The following MGST3 variants were observed in gnomAD, a reference collection of about 807,000 sequenced individuals.
The protein encoded by MGST3 is microsomal glutathione S-transferase 3, also known as glutathione S-transferase 3, mitochondrial.
Under a neutral mutation model 15.8 loss-of-function variants are expected in MGST3, and 13 were observed. The ratio of observed to expected loss-of-function variants is 0.82; its 90% CI spans 0.54 to 1.31. MGST3 has a LOEUF of 1.31. Among genes scored for constraint, MGST3 ranks in the 50% most tolerant of loss-of-function variants. The pLI is 0.00. For missense variants in MGST3, 155 were observed against 192.4 expected, an observed-to-expected ratio of 0.81 and a Z score of 1.15; for synonymous variants, 49 against 68.1, an observed-to-expected ratio of 0.72 and a Z score of 1.38.
chr1:165,633,383 T>C (rs1322687754), intron 1 of MGST3, among the ~76,000 whole-genome samples: 3 of 152,218 alleles, frequency 2.0e-5, no homozygotes, highest in African/African-American at 7.2e-5. Flanking sequence ...ATTTCTAGAG[T>C]TGATCTGTTC....
chr1:165,644,053 TA>T (rs61624530), intron 1 of MGST3, among the ~76,000 whole-genome samples: 672 of 136,518 alleles, frequency 4.9e-3, no homozygotes, highest in Admixed American at 5.7e-3. Flanking sequence ...GACCCTGTGT[TA>T]AAAAAAAAAA....
chr1:165,631,787 G>A (rs965193095), intron 1 of MGST3, among the ~76,000 whole-genome samples: 1 of 152,200 alleles, frequency 6.6e-6, no homozygotes, highest in Non-Finnish European at 1.5e-5. Context: ...GTGGGGATGT[G>A]TTGCTAGGGA....
At chr1:165,654,118 C>T (rs4147603) in intron 4 of MGST3, 161 bp from the exon 5 acceptor site, 167,493 of 697,426 alleles carry the variant, frequency 0.24, 31,689 homozygotes, top group East Asian at 0.83. Context: ...TTTATTTTCC[C>T]GCTGAAACTA....
At chr1:165,631,982 G>T in intron 1 of MGST3, 1 of 428,890 alleles carries the variant, frequency 2.3e-6, no homozygotes. Flanking sequence ...CTTTATGTGG[G>T]GTGGCAGCAC....
At chr1:165,646,020 G>T (rs1207899777) in intron 1 of MGST3, 1 of 152,212 alleles carries the variant, frequency 6.6e-6, no homozygotes, top group Non-Finnish European at 1.5e-5. Context: ...CCACTCTCAA[G>T]AACTTTATCT....
At position 165,655,477 on chromosome 1, in the gene MGST3, G is replaced by A; in HGVS notation, c.432G>A (p.Leu144=). The change falls in exon 6 of 6, where the codon TTG becomes TTA. Residue 144 remains leucine (L), a synonymous_variant. Coordinates refer to ENST00000367889, the MANE Select transcript of MGST3 (RefSeq NM_004528.4). ...FQHLGWVKSG[L]GSGPKCCH is the part of the protein sequence containing the mutation. ...ATCTTGGTTGGGTTAAAAGTGGCTT[G>A]GGCAGTGGACCCAAATGCTGCCATT... The A allele has an allele frequency of 1.2e-6, 2 of 1,613,396 alleles. No homozygotes were observed. Among genetic ancestry groups the A allele is most frequent in the South Asian group, 2.2e-5 (2 of 91,072 alleles).
At chr1:165,645,052 T>C (rs1648361238) in intron 1 of MGST3, among the ~76,000 whole-genome samples, 2 of 152,112 alleles carry the variant, frequency 1.3e-5, no homozygotes, top group South Asian at 4.1e-4. Context: ...TGAGCCACCA[T>C]GCCCGGCCAA....
chr1:165,638,118 A>G (rs986010062), intron 1 of MGST3, among the ~76,000 whole-genome samples: 1 of 152,166 alleles, frequency 6.6e-6, no homozygotes, highest in Non-Finnish European at 1.5e-5. Flanking sequence ...ACTCCAAAAC[A>G]ATCATGTTTG....
At chr1:165,650,285 A>G in intron 2 of MGST3, 3 of 376,580 alleles carry the variant, frequency 8.0e-6, no homozygotes, top group East Asian at 1.2e-4. Flanking sequence ...AGGGTTAAAT[A>G]GCAATATTGT....
intron 1 of MGST3, chr1:165,646,168 G>A (rs909534039): frequency 1.3e-5 from 2 of 152,246 alleles, no homozygotes; most frequent in African/African-American, 2.4e-5. Context: ...GTCCCTGGAA[G>A]CTATCTGCTA....
intron 4 of MGST3, 129 bp from the exon 5 acceptor site, chr1:165,654,150 G>T (rs559741640): frequency 4.9e-6 from 4 of 816,600 alleles, no homozygotes; most frequent in Non-Finnish European, 8.7e-6. Context: ...CCTAATTTGC[G>T]TGGGGAGTAG....
chr1:165,631,894 C>G (rs1161947781), intron 1 of MGST3, among the ~76,000 whole-genome samples: 1 of 152,254 alleles, frequency 6.6e-6, no homozygotes, highest in African/African-American at 2.4e-5. Flanking sequence ...TTTCCTACCG[C>G]TGACTTAGAG....
intron 1 of MGST3, among the ~76,000 whole-genome samples, chr1:165,633,341 G>C (rs966183023): frequency 2.0e-5 from 3 of 152,166 alleles, no homozygotes; most frequent in African/African-American, 7.2e-5. Flanking sequence ...TTATCCTTTA[G>C]AATCATAGAT....
chr1:165,634,520 A>G (rs80160870), intron 1 of MGST3, among the ~76,000 whole-genome samples: 5,481 of 152,136 alleles, frequency 0.036, 343 homozygotes, highest in African/African-American at 0.12. Context: ...ACTACCCTTC[A>G]GACACACTGG....
intron 1 of MGST3, chr1:165,646,379 A>G (rs1434674306): frequency 6.6e-6 from 1 of 152,214 alleles, no homozygotes; most frequent in Non-Finnish European, 1.5e-5. Flanking sequence ...TGTTGATTTA[A>G]TTAAGCTGAT....
Position 165,655,593 on chromosome 1 carries a change from T to C in MGST3, c.*89T>C. On this transcript the variant is annotated 3_prime_UTR_variant, in exon 6 of 6. Transcript: ENST00000367889. ...TTTTTTTTCTAAATATAATAAAAAC[T>C]TACCTGGCATCAGCCTCATACCTAA... 1 of 1,499,668 alleles carries C rather than the reference T, an allele frequency of 6.7e-7. No homozygotes were observed. The highest frequency in any genetic ancestry group is 9.1e-7 in the Non-Finnish European group (1 of 1,096,742). The allele number at this position is 1,499,668 out of a possible 1,614,324, so 92.9% of individuals were successfully genotyped here.
intron 1 of MGST3, among the ~76,000 whole-genome samples, chr1:165,640,472 C>T (rs1470008353): frequency 1.3e-5 from 2 of 152,010 alleles, no homozygotes; most frequent in South Asian, 4.2e-4. Context: ...GAATCACCAC[C>T]TCCTGCAAAT....
intron 1 of MGST3, chr1:165,649,537 A>G: frequency 3.1e-6 from 1 of 325,124 alleles, no homozygotes; most frequent in South Asian, 3.4e-5. Flanking sequence ...ATTCTACAGC[A>G]ACGACTACTG....
At chr1:165,649,490 A>C in intron 1 of MGST3, 2 of 269,358 alleles carry the variant, frequency 7.4e-6, no homozygotes, top group South Asian at 8.1e-5. Flanking sequence ...ACCATGTTAA[A>C]TATTTTTTCA....
Sources: allele counts gnomAD v4.1 joint callset (sites outside exome capture counted in the v4.1 genomes callset), GRCh38; gene constraint gnomAD v4.1.1; transcripts MANE v1.5; gene names NCBI Gene and HGNC (gene_info 2026-07-23, HGNC 2026-07-21).